PSD2: variants seen among roughly 807,000 people sequenced by gnomAD.
PSD2 encodes pleckstrin and Sec7 domain containing 2, also known as PH and SEC7 domain-containing protein 2.
In PSD2, 38 loss-of-function variants were observed where a neutral mutation model predicts 69.8. The ratio of observed to expected loss-of-function variants is 0.54; its 90% CI spans 0.42 to 0.71. The LOEUF is 0.71. Ranked by LOEUF, PSD2 falls within the 30% of genes least tolerant of loss-of-function variation. The pLI is 0.00. For missense variants in PSD2, 943 were observed against 1,014.5 expected (o/e 0.93, Z 0.96); for synonymous variants, 412 against 423.0 (o/e 0.97, Z 0.32).
the PSD2 span, among the ~76,000 whole-genome samples, chr5:139,785,195 C>T: frequency 4.0e-5 from 6 of 151,584 alleles, no homozygotes; most frequent in East Asian, 7.8e-4. Context: ...CTCTCCTCTC[C>T]TCTCCTTTCC....
intron 4 of PSD2, among the ~76,000 whole-genome samples, chr5:139,815,952 C>G (rs1439725295): frequency 6.8e-6 from 1 of 147,278 alleles, no homozygotes; most frequent in African/African-American, 2.5e-5. Flanking sequence ...CAAGACCGTG[C>G]CACTGCACTC....
the PSD2 span, among the ~76,000 whole-genome samples, chr5:139,766,860 T>TTTCTTTCTTTCTTTC: frequency 1.3e-5 from 2 of 150,102 alleles, no homozygotes; most frequent in Non-Finnish European, 3.0e-5. Context: ...TCTTTCTTTC[T>TTTCTTTCTTTCTTTC]TTCTTTCTTT....
chr5:139,756,769 G>T, the PSD2 span, among the ~76,000 whole-genome samples: 1 of 152,162 alleles, frequency 6.6e-6, no homozygotes, highest in East Asian at 1.9e-4. Flanking sequence ...TCCTTTATCT[G>T]GCGATGTCCT....
intron 1 of PSD2, among the ~76,000 whole-genome samples, chr5:139,801,926 G>A (rs534549371): frequency 2.7e-4 from 41 of 152,316 alleles, no homozygotes; most frequent in African/African-American, 9.9e-4. Context: ...GGTGGGTGAG[G>A]CTTTAGAGTG....
At chr5:139,748,746 G>A in the PSD2 span, among the ~76,000 whole-genome samples, 1 of 152,264 alleles carries the variant, frequency 6.6e-6, no homozygotes, top group African/African-American at 2.4e-5. Context: ...GGCAATGCTC[G>A]TCTGTCTCGG....
Position 139,838,631 on chromosome 5 carries a change from C to G in PSD2, c.1827C>G (p.Ser609Arg), listed in dbSNP as rs779268903. The G allele has an allele frequency of 2.5e-6, 4 of 1,612,072 alleles. No individual in the cohort carries two copies. The African/African-American group carries it at 5.3e-5, about 22-fold the overall frequency. ...DWRVFLFQAP[S>R]KEEMLSWILR... ...CCTCTCCCCCTCCTGTCCCCAGGAG[C>G]AAGGAAGAAATGCTGTCCTGGATCC... The change falls in exon 13 of 15, where the codon AGC becomes AGG. Residue 609 changes from serine to arginine, a missense_variant. Physicochemically the swap from Ser to Arg is moderately radical, Grantham distance 110. This residue lies in a region of PSD2 where 312 missense variants were observed against 400.7 expected (regional missense o/e 0.78). Coordinates refer to ENST00000274710, the MANE Select transcript of PSD2 (RefSeq NM_032289.4).
the PSD2 span, chr5:139,772,735 ACTC>A: frequency 2.7e-5 from 4 of 146,714 alleles, no homozygotes; most frequent in Non-Finnish European, 6.0e-5. Context: ...TCCAGTTGAA[ACTC>A]CTCCTCATGC....
chr5:139,840,585 C>G (rs1760849866), intron 14 of PSD2, among the ~76,000 whole-genome samples: 3 of 147,906 alleles, frequency 2.0e-5, no homozygotes, highest in Non-Finnish European at 1.5e-5. Flanking sequence ...GAATCTCACT[C>G]TGTCGCCCAG....
the PSD2 span, among the ~76,000 whole-genome samples, chr5:139,754,866 C>CA: frequency 1.5e-3 from 221 of 149,272 alleles, no homozygotes; most frequent in Non-Finnish European, 2.4e-3. Context: ...GACCCTGTCT[C>CA]AAAAAAAAAC....
In PSD2 at chr5:139,809,297, G is replaced by C; in HGVS notation, c.-50-94G>C. On this transcript the variant is annotated intron_variant, in intron 1 of 14. Coordinates refer to ENST00000274710, the MANE Select transcript of PSD2 (RefSeq NM_032289.4). ...TCATCTTGGCCATCTCCCACTCTCA[G>C]GCAGGCTGCTCTGCCACTGGTTCTG... is the stretch of plus-strand genomic sequence containing the variant. 6.1e-6 allele frequency: 6 copies of C among 980,690 alleles called. No individual in the cohort carries two copies. In the South Asian group the frequency reaches 8.3e-5, roughly 14 times the overall value. 60.7% of individuals were successfully genotyped at this position (980,690 alleles called of 1,614,324 possible). A position where few individuals can be genotyped will look rare whatever the true frequency, so the allele number is the denominator to read the frequency against.
At chr5:139,759,480 T>A in the PSD2 span, among the ~76,000 whole-genome samples, 1 of 151,994 alleles carries the variant, frequency 6.6e-6, no homozygotes, top group Non-Finnish European at 1.5e-5. Flanking sequence ...GAGCTGGCTG[T>A]CCCCCGCCCT....
intron 2 of PSD2, among the ~76,000 whole-genome samples, chr5:139,811,794 C>T (rs896820416): frequency 1.3e-5 from 2 of 152,118 alleles, no homozygotes; most frequent in Admixed American, 6.6e-5. Flanking sequence ...GGGGTTTCAT[C>T]GTGTTAGCCA....
rs988731040 is a variant in PSD2, at chr5:139,814,719, G to A, written c.1016+355G>A. On this transcript the variant is annotated intron_variant, in intron 4 of 14. Transcript: ENST00000274710. This position sits in a 1 kb window ranked among gnomAD's most constrained non-coding sequence, Gnocchi z 4.4. ...TGGGGCCAGGGAGAAAGGAGAACCCGGGCCTCGGGGGACACCTCTGGGACC... is the reference window on the plus strand; with the variant it reads ...TGGGGCCAGGGAGAAAGGAGAACCCAGGCCTCGGGGGACACCTCTGGGACC... Among the ~76,000 whole-genome samples, 2 of 152,044 alleles carry A rather than the reference G, an allele frequency of 1.3e-5. No homozygotes were observed. The highest frequency in any genetic ancestry group is 2.4e-5 in the African/African-American group (1 of 41,396).
intron 14 of PSD2, among the ~76,000 whole-genome samples, chr5:139,840,614 G>A (rs996910108): frequency 1.1e-4 from 17 of 149,678 alleles, no homozygotes; most frequent in Admixed American, 6.0e-4. Flanking sequence ...ACAGTGGCAC[G>A]ATCTTGGCTC....
the PSD2 span, among the ~76,000 whole-genome samples, chr5:139,747,826 C>G: frequency 6.6e-6 from 1 of 152,244 alleles, no homozygotes; most frequent in Non-Finnish European, 1.5e-5. The surrounding 1 kb of genome is among the most constrained non-coding windows in gnomAD (Gnocchi z 6.7). Flanking sequence ...AGCATCGCCC[C>G]GCCAAAGCAA....
intron 1 of PSD2, among the ~76,000 whole-genome samples, chr5:139,802,023 G>A (rs1047228110): frequency 2.0e-5 from 3 of 152,146 alleles, no homozygotes; most frequent in Non-Finnish European, 2.9e-5. Flanking sequence ...TGCTTACTTC[G>A]TACCACATGC....
rs764076256 is a variant in PSD2 at position 139,809,830 on chromosome 5, A to T, written c.371+19A>T. On this transcript the variant is annotated intron_variant, in intron 2 of 14. Coordinates refer to ENST00000274710, the MANE Select transcript of PSD2 (RefSeq NM_032289.4). ...AGCTGGGGTGAGTGGATGTCTTGGG[A>T]TGGGAGCTCACCACATTTGGCTGTT... 13 of 1,612,386 alleles carry T rather than the reference A, an allele frequency of 8.1e-6. No homozygotes were observed. The highest frequency in any genetic ancestry group is 1.1e-5 in the South Asian group (1 of 90,904).
chr5:139,840,672 T>C (rs1338390562), intron 14 of PSD2, among the ~76,000 whole-genome samples: 2 of 151,652 alleles, frequency 1.3e-5, no homozygotes, highest in Non-Finnish European at 2.9e-5. Flanking sequence ...TGCCTCAGCC[T>C]CCCGAACAAC....
the PSD2 span, among the ~76,000 whole-genome samples, chr5:139,759,941 C>T: frequency 2.0e-5 from 3 of 152,194 alleles, no homozygotes; most frequent in Admixed American, 2.0e-4. Flanking sequence ...ACTGAGGAAA[C>T]TGAGGCTCAG....
Sources: allele counts gnomAD v4.1 joint callset (sites outside exome capture counted in the v4.1 genomes callset), GRCh38; gene constraint gnomAD v4.1.1; regional missense constraint gnomAD v4.1.1; non-coding constraint Gnocchi (gnomAD v3.1); transcripts MANE v1.5; gene names NCBI Gene and HGNC (gene_info 2026-07-23, HGNC 2026-07-21).